Variants in COLQ observed in about 807,000 individuals in gnomAD.
COLQ encodes acetylcholinesterase collagenic tail peptide.
COLQ carries 48 observed loss-of-function variants against 69.0 expected under a neutral mutation model. The observed-to-expected ratio is 0.70, with a 90% confidence interval of 0.55 to 0.88. COLQ has a LOEUF of 0.88. Ranked by LOEUF, COLQ falls within the 40% of genes least tolerant of loss-of-function variation. The probability of loss-of-function intolerance (pLI) is 0.00; values close to 1 mark genes in which losing one functional copy is unlikely to be tolerated. For missense variants in COLQ, 618 were observed against 594.6 expected (o/e 1.04, Z -0.41); for synonymous variants, 217 against 211.2 (o/e 1.03, Z -0.24).
At chr3:15,485,962 C>CAAT (rs1214435515) in intron 3 of COLQ, among the ~76,000 whole-genome samples, 1 of 152,010 alleles carries the variant, frequency 6.6e-6, no homozygotes, top group Admixed American at 6.6e-5. Context: ...ACTCTCTTCC[C>CAAT]AATAATAATA....
At chr3:15,487,039 C>G (rs1308822472) in intron 3 of COLQ, among the ~76,000 whole-genome samples, 1 of 152,184 alleles carries the variant, frequency 6.6e-6, no homozygotes, top group Non-Finnish European at 1.5e-5. Flanking sequence ...TGCCATTGAG[C>G]TTACGTTTTA....
At position 15,474,961 on chromosome 3, in the gene COLQ, A is replaced by T. The variant is rs968125549; in HGVS notation, c.529-10T>A. On this transcript the variant is annotated splice_polypyrimidine_tract_variant and intron_variant, in intron 7 of 16. Transcript: ENST00000383788. ...TGGATCCAGGGTAGCCCTAAAAGAA[A>T]GCAGAAGGTACATTTACAATCAGCC... 2.5e-6 allele frequency: 4 copies of T among 1,613,980 alleles called. No individual in the cohort carries two copies. The Admixed American group carries it at 5.0e-5, about 20-fold the overall frequency.
At chr3:15,496,977 T>TA (rs1443617822) in intron 1 of COLQ, among the ~76,000 whole-genome samples, 1 of 152,048 alleles carries the variant, frequency 6.6e-6, no homozygotes, top group African/African-American at 2.4e-5. Flanking sequence ...ATCTGAAACT[T>TA]AGTTTCCTCA....
At chr3:15,505,186 A>G (rs953471994) in intron 1 of COLQ, among the ~76,000 whole-genome samples, 2 of 152,236 alleles carry the variant, frequency 1.3e-5, no homozygotes, top group African/African-American at 4.8e-5. Context: ...CTAAGGCACC[A>G]GTGCCACCTG....
At chr3:15,480,896 T>C (rs1454715842) in intron 3 of COLQ, among the ~76,000 whole-genome samples, 8 of 152,358 alleles carry the variant, frequency 5.3e-5, no homozygotes, top group East Asian at 1.9e-4. Flanking sequence ...AGATATCTCA[T>C]TGTGGTTTTG....
At chr3:15,488,658 G>C (rs1020338813) in intron 2 of COLQ, among the ~76,000 whole-genome samples, 1 of 152,224 alleles carries the variant, frequency 6.6e-6, no homozygotes, top group Admixed American at 6.5e-5. Flanking sequence ...AAATTGTCTA[G>C]TAGTCACTTT....
At chr3:15,457,688 C>A (rs1167273531) in intron 13 of COLQ, among the ~76,000 whole-genome samples, 1 of 151,902 alleles carries the variant, frequency 6.6e-6, no homozygotes, top group Non-Finnish European at 1.5e-5. Context: ...TCTCAGCTCA[C>A]TGCAATCTCC....
At chr3:15,475,577 G>C in intron 6 of COLQ, 90 bp from the exon 7 acceptor site, 3 of 1,243,692 alleles carry the variant, frequency 2.4e-6, no homozygotes, top group Non-Finnish European at 3.5e-6. Context: ...GAAGGAACTG[G>C]GGATATCAGG....
chr3:15,497,106 G>C (rs2062757430), intron 1 of COLQ, among the ~76,000 whole-genome samples: 1 of 149,538 alleles, frequency 6.7e-6, no homozygotes, highest in African/African-American at 2.5e-5. Context: ...TGCAGTGGTG[G>C]GTTCTCAGCC....
At chr3:15,482,385 T>G (rs1244863417) in intron 3 of COLQ, among the ~76,000 whole-genome samples, 1 of 152,242 alleles carries the variant, frequency 6.6e-6, no homozygotes, top group Non-Finnish European at 1.5e-5. Context: ...ATACGTCCCA[T>G]CAATACCTAG....
At position 15,456,502 on chromosome 3, in the gene COLQ, T is replaced by A. The variant is rs2062026999; in HGVS notation, c.1032A>T (p.Arg344Ser). Reference protein sequence around the residue: ...QNAIAFRRDQRSLYFKDSLGW... With the variant: ...QNAIAFRRDQSSLYFKDSLGW... Reference sequence around the variant, plus strand: ...CAAGGCTGTCCTTGAAGTACAGAGATCTCTGGTCTCTGCGGAAGGCAATGG... The same window carrying A: ...CAAGGCTGTCCTTGAAGTACAGAGAACTCTGGTCTCTGCGGAAGGCAATGG... Residue 344 changes from arginine (R) to serine (S), a missense_variant, in exon 14 of 17, where the codon AGA becomes AGT. By Grantham distance (110) the Arg-to-Ser change is moderately radical (BLOSUM62 -1). Coordinates refer to ENST00000383788, the MANE Select transcript of COLQ (RefSeq NM_005677.4). 1 of 1,613,976 alleles carries A rather than the reference T, an allele frequency of 6.2e-7. No homozygotes were observed. The highest frequency in any genetic ancestry group is 1.1e-5 in the South Asian group (1 of 91,088).
intron 10 of COLQ, among the ~76,000 whole-genome samples, 200 bp from the exon 11 acceptor site, chr3:15,470,816 G>A (rs975977522): frequency 1.4e-4 from 22 of 152,190 alleles, no homozygotes; most frequent in Admixed American, 1.0e-3. Flanking sequence ...GAGGAGGGAA[G>A]GAAGAAGGTA....
intron 11 of COLQ, among the ~76,000 whole-genome samples, chr3:15,470,108 C>T (rs979819866): frequency 3.3e-5 from 5 of 152,076 alleles, no homozygotes; most frequent in African/African-American, 9.7e-5. Flanking sequence ...TAGGGAAAAA[C>T]CACCCTATTG....
At chr3:15,482,391 C>T (rs2062502267) in intron 3 of COLQ, among the ~76,000 whole-genome samples, 3 of 152,124 alleles carry the variant, frequency 2.0e-5, no homozygotes, top group Admixed American at 1.3e-4. Flanking sequence ...CCCATCAATA[C>T]CTAGTTTATT....
At chr3:15,506,318 TG>T (rs1470101851) in intron 1 of COLQ, among the ~76,000 whole-genome samples, 1 of 152,250 alleles carries the variant, frequency 6.6e-6, no homozygotes, top group Non-Finnish European at 1.5e-5. Flanking sequence ...GGTAGTATTT[TG>T]TACAGATGGT....
At chr3:15,456,121 T>C in intron 14 of COLQ, 102 bp from the exon 15 acceptor site, 1 of 1,352,168 alleles carries the variant, frequency 7.4e-7, no homozygotes, top group Admixed American at 1.9e-5. Flanking sequence ...CTGGGGGGCA[T>C]GCCTTGACTT....
At chr3:15,497,244 A>T (rs989887075) in intron 1 of COLQ, among the ~76,000 whole-genome samples, 2 of 151,982 alleles carry the variant, frequency 1.3e-5, no homozygotes, top group South Asian at 4.2e-4. Flanking sequence ...GGGTTTTGTC[A>T]TGTTGGCCAG....
At chr3:15,458,004 A>G (rs565508090) in intron 13 of COLQ, among the ~76,000 whole-genome samples, 182 bp downstream of exon 13, 22 of 152,208 alleles carry the variant, frequency 1.4e-4, no homozygotes, top group Non-Finnish European at 2.9e-4. Flanking sequence ...TGGACTCACA[A>G]TCAAATGGAC....
At chr3:15,456,624 A>AG (rs2125086713) in intron 13 of COLQ, 45 bp from the exon 14 acceptor site, 4 of 1,610,114 alleles carry the variant, frequency 2.5e-6, no homozygotes, top group Non-Finnish European at 3.4e-6. Flanking sequence ...ACACTTCTGC[A>AG]GGGGGCAGGA....
Sources: gnomAD v4.1 joint callset for allele counts (sites outside exome capture counted in the v4.1 genomes callset) on GRCh38, gnomAD v4.1.1 for gene constraint, MANE v1.5 for transcripts, NCBI Gene and HGNC (gene_info 2026-07-23, HGNC 2026-07-21) for gene names.